The following PTPRZ1 variants were observed in gnomAD, a reference collection of about 807,000 sequenced individuals.
PTPRZ1 encodes the protein receptor-type tyrosine-protein phosphatase zeta.
PTPRZ1 carries 82 observed loss-of-function variants against 214.1 expected under a neutral mutation model. The observed-to-expected ratio is 0.38, with a 90% CI of 0.32 to 0.46. PTPRZ1 has a LOEUF of 0.46. Among genes scored for constraint, PTPRZ1 ranks in the 20% least tolerant of loss-of-function variants. The probability of loss-of-function intolerance (pLI) is 1.00; values close to 1 mark genes in which losing one functional copy is unlikely to be tolerated. For missense variants in PTPRZ1, 2,603 were observed against 2,748.7 expected, an observed-to-expected ratio of 0.95 and a Z score of 1.19; for synonymous variants, 945 against 987.9, an observed-to-expected ratio of 0.96 and a Z score of 0.81.
At chr7:121,923,793 C>T (rs1429812265) in intron 1 of PTPRZ1, among the ~76,000 whole-genome samples, 1 of 151,520 alleles carries the variant, frequency 6.6e-6, no homozygotes, top group African/African-American at 2.4e-5. Context: ...TAAGTGTAAA[C>T]AGAAATGAAG....
rs987662629 is a variant in PTPRZ1 at position 121,873,190 on chromosome 7, G to A, written c.-310G>A. 5.1e-5 allele frequency: 21 copies of A among 415,562 alleles called. No homozygotes were observed. Among genetic ancestry groups the A allele is most frequent in the Non-Finnish European group, 8.9e-5 (21 of 236,416 alleles). The allele number at this position is 415,562 out of a possible 1,614,324, so 25.7% of individuals were successfully genotyped here. A position where few individuals can be genotyped will look rare whatever the true frequency, so the allele number is the denominator to read the frequency against. On this transcript the variant is annotated 5_prime_UTR_variant, in exon 1 of 30. Transcript: ENST00000393386. ...CGCGGCCGCCGCAGCCGGCGAAAGAGGCAAAGTCCCGCACGCCGGAGGACA... is the reference window on the plus strand; with the variant it reads ...CGCGGCCGCCGCAGCCGGCGAAAGAAGCAAAGTCCCGCACGCCGGAGGACA...
intron 13 of PTPRZ1, among the ~76,000 whole-genome samples, chr7:122,027,629 G>T (rs557697509): frequency 6.6e-6 from 1 of 152,178 alleles, no homozygotes; most frequent in South Asian, 2.1e-4. Flanking sequence ...TAAATTAAAT[G>T]ACCTACATCA....
In PTPRZ1 at chr7:121,976,240, A is replaced by G. The variant is rs934213421; in HGVS notation, c.524A>G (p.Lys175Arg). 24 of 1,607,804 alleles carry G rather than the reference A, an allele frequency of 1.5e-5. No individual in the cohort carries two copies. The highest frequency in any genetic ancestry group is 1.9e-5 in the Non-Finnish European group (22 of 1,175,808). Reference protein sequence around the residue: ...SFEEAVKGKGKLRALSILFEV... With the variant: ...SFEEAVKGKGRLRALSILFEV... Reference sequence around the variant, plus strand: ...GAGGAAGCAGTCAAAGGAAAAGGGAAGTTAAGAGCTTTATCCATTTTGTTT... The same window carrying G: ...GAGGAAGCAGTCAAAGGAAAAGGGAGGTTAAGAGCTTTATCCATTTTGTTT... Residue 175 changes from lysine (K) to arginine (R), a missense_variant, in exon 5 of 30, where the codon AAG becomes AGG. Around this residue, in one of 6 missense-constraint regions of PTPRZ1, gnomAD observed 244 missense variants for 333.2 expected, o/e 0.73. Coordinates refer to ENST00000393386, the MANE Select transcript of PTPRZ1 (RefSeq NM_002851.3).
intron 1 of PTPRZ1, among the ~76,000 whole-genome samples, chr7:121,901,429 G>A (rs141901552): frequency 6.6e-6 from 1 of 152,190 alleles, no homozygotes; most frequent in East Asian, 1.9e-4. Context: ...ATAAAATATA[G>A]ATCACTTTTT....
intron 1 of PTPRZ1, among the ~76,000 whole-genome samples, chr7:121,883,055 G>A (rs906818568): frequency 3.3e-5 from 5 of 152,148 alleles, no homozygotes; most frequent in East Asian, 1.9e-4. Context: ...CACAGAAGTT[G>A]ATAACTTGGA....
At chr7:121,951,761 G>A (rs1796547204) in intron 2 of PTPRZ1, among the ~76,000 whole-genome samples, 1 of 152,078 alleles carries the variant, frequency 6.6e-6, no homozygotes, top group South Asian at 2.1e-4. Context: ...ACTTCTTAGT[G>A]CCTGCTTCAC....
chr7:122,004,627 C>A lies in PTPRZ1; in HGVS notation c.1254C>A (p.Phe418Leu). The change falls in exon 11 of 30, where the codon TTC becomes TTA. Residue 418 changes from phenylalanine (F) to leucine (L), a missense_variant. Physicochemically the swap from Phe to Leu is conservative, Grantham distance 22. Transcript: ENST00000393386. ...MPTDNPELDL[F>L]PELIGTEEII... ...TTAATTTTGTAGAACTTGATCTTTT[C>A]CCTGAATTAATTGGAACTGAAGAAA... 1 of 1,363,140 alleles carries A rather than the reference C, an allele frequency of 7.3e-7. No individual in the cohort carries two copies. The highest frequency in any genetic ancestry group is 1.0e-6 in the Non-Finnish European group (1 of 980,582). The allele number at this position is 1,363,140 out of a possible 1,614,324, so 84.4% of individuals were successfully genotyped here.
chr7:121,882,533 A>G (rs1000900799), intron 1 of PTPRZ1, among the ~76,000 whole-genome samples: 5 of 152,330 alleles, frequency 3.3e-5, no homozygotes, highest in Admixed American at 3.3e-4. Context: ...GGAGAGGAGT[A>G]TAACAGTAAA....
intron 2 of PTPRZ1, among the ~76,000 whole-genome samples, chr7:121,963,371 G>T (rs1429881136): frequency 6.6e-6 from 1 of 152,208 alleles, no homozygotes; most frequent in East Asian, 1.9e-4. Flanking sequence ...TGGGGACACA[G>T]CCAAACCATA....
intron 2 of PTPRZ1, among the ~76,000 whole-genome samples, chr7:121,950,241 C>T (rs1796510632): frequency 6.6e-6 from 1 of 152,126 alleles, no homozygotes; most frequent in Non-Finnish European, 1.5e-5. Context: ...GAAAGACTTG[C>T]CCCCATGATT....
At chr7:121,876,620 A>T (rs781366205) in intron 1 of PTPRZ1, among the ~76,000 whole-genome samples, 1 of 152,244 alleles carries the variant, frequency 6.6e-6, no homozygotes, top group Non-Finnish European at 1.5e-5. Flanking sequence ...GTAACCACAT[A>T]TAAAAAATAT....
At chr7:122,036,145 A>G (rs750707393) in intron 17 of PTPRZ1, among the ~76,000 whole-genome samples, 25 of 152,204 alleles carry the variant, frequency 1.6e-4, no homozygotes, top group Non-Finnish European at 2.8e-4. Flanking sequence ...TTCCTTCATC[A>G]GCCTCCTGTT....
intron 11 of PTPRZ1, among the ~76,000 whole-genome samples, chr7:122,007,246 T>C (rs933223529): frequency 6.6e-6 from 1 of 152,110 alleles, no homozygotes; most frequent in Non-Finnish European, 1.5e-5. Flanking sequence ...CTTATTTGGT[T>C]TGTGGGGCTT....
intron 13 of PTPRZ1, among the ~76,000 whole-genome samples, chr7:122,027,688 G>T (rs2116710831): frequency 6.6e-6 from 1 of 152,216 alleles, no homozygotes; most frequent in African/African-American, 2.4e-5. Flanking sequence ...AATTAAAGAT[G>T]GTTGGCTTTA....
At chr7:121,909,483 A>G (rs1269588626) in intron 1 of PTPRZ1, among the ~76,000 whole-genome samples, 1 of 152,200 alleles carries the variant, frequency 6.6e-6, no homozygotes, top group Non-Finnish European at 1.5e-5. Flanking sequence ...ATGTGTTTTG[A>G]AAATCTAGAA....
chr7:121,924,700 CT>C lies in PTPRZ1; in HGVS notation c.59-3454del, dbSNP rs1403074099. Among the ~76,000 whole-genome samples, 3 of 152,176 alleles carry C rather than the reference CT, an allele frequency of 2.0e-5. No homozygotes were observed. The East Asian group carries it at 5.8e-4, about 29-fold the overall frequency. On this transcript the variant is annotated intron_variant, in intron 1 of 29. Coordinates refer to ENST00000393386, the MANE Select transcript of PTPRZ1 (RefSeq NM_002851.3). ...CTTTTTTATTTATTTCAATAAAATG[CT>C]TGTTAAATACAGGTTTTGCATGGTA...
chr7:122,029,095 GGTT>G (rs757151305), intron 14 of PTPRZ1, among the ~76,000 whole-genome samples: 1 of 129,948 alleles, frequency 7.7e-6, no homozygotes, highest in African/African-American at 3.3e-5. Flanking sequence ...GTGAGAAAAG[GGTT>G]TTTTTTTTTT....
chr7:121,987,234 T>C (rs1218264970), intron 8 of PTPRZ1, among the ~76,000 whole-genome samples: 1 of 129,426 alleles, frequency 7.7e-6, no homozygotes, highest in African/African-American at 3.0e-5. Flanking sequence ...CCCTCCTCTT[T>C]GGTCAGTTCC....
At chr7:121,993,833 A>G (rs1036011708) in intron 8 of PTPRZ1, among the ~76,000 whole-genome samples, 1 of 152,176 alleles carries the variant, frequency 6.6e-6, no homozygotes, top group African/African-American at 2.4e-5. Flanking sequence ...TGTTAATAAC[A>G]TTCTAAAGTA....
Sources: allele counts gnomAD v4.1 joint callset (sites outside exome capture counted in the v4.1 genomes callset), GRCh38; gene constraint gnomAD v4.1.1; regional missense constraint gnomAD v4.1.1; transcripts MANE v1.5; gene names NCBI Gene and HGNC (gene_info 2026-07-23, HGNC 2026-07-21).